UPK1B: variants seen among roughly 807,000 people sequenced by gnomAD.
The protein encoded by UPK1B is uroplakin-1b.
In UPK1B, 28 loss-of-function variants were observed where a neutral mutation model predicts 34.2. The observed-to-expected ratio is 0.82, with a 90% CI of 0.61 to 1.12. The LOEUF is 1.12. Ranked by LOEUF, UPK1B falls within the 50% of genes most tolerant of loss-of-function variation. UPK1B has a pLI of 0.00. For synonymous variants in UPK1B, 81 were observed against 110.4 expected, an observed-to-expected ratio of 0.73 and a Z score of 1.67; for missense variants, 325 against 320.9, an observed-to-expected ratio of 1.01 and a Z score of -0.10.
intron 1 of UPK1B, among the ~76,000 whole-genome samples, chr3:119,177,142 A>G (rs2077960722): frequency 6.6e-6 from 1 of 152,182 alleles, no homozygotes; most frequent in African/African-American, 2.4e-5. Context: ...GTGAGTCTCA[A>G]ATTGTGGCAT....
At chr3:119,182,093 T>C (rs2077992379) in intron 1 of UPK1B, among the ~76,000 whole-genome samples, 1 of 152,234 alleles carries the variant, frequency 6.6e-6, no homozygotes, top group Non-Finnish European at 1.5e-5. Context: ...GCCCCTCCCA[T>C]GTGGATGTGC....
chr3:119,178,709 T>C (rs2077970982), intron 1 of UPK1B, among the ~76,000 whole-genome samples: 1 of 152,236 alleles, frequency 6.6e-6, no homozygotes, highest in Non-Finnish European at 1.5e-5. Context: ...CAAATTTTTA[T>C]AGTAATTTTT....
chr3:119,175,002 C>A (rs1375651825), intron 1 of UPK1B, among the ~76,000 whole-genome samples: 8 of 50,124 alleles, frequency 1.6e-4, no homozygotes, highest in South Asian at 6.6e-4. Flanking sequence ...CTTTTTTTTT[C>A]TTTTATTTTC....
At chr3:119,202,601 T>G (rs530185826) in intron 7 of UPK1B, among the ~76,000 whole-genome samples, 1 of 152,306 alleles carries the variant, frequency 6.6e-6, no homozygotes, top group South Asian at 2.1e-4. Context: ...TTAAGTGACT[T>G]GGCTAAAGTT....
chr3:119,197,711 G>T (rs2078072796), intron 6 of UPK1B, among the ~76,000 whole-genome samples: 1 of 152,160 alleles, frequency 6.6e-6, no homozygotes, highest in Admixed American at 6.5e-5. Flanking sequence ...TTGCATTCTA[G>T]CATGGGAGAC....
intron 1 of UPK1B, among the ~76,000 whole-genome samples, chr3:119,179,361 AT>A (rs1246875613): frequency 2.9e-5 from 1 of 33,976 alleles, no homozygotes; most frequent in African/African-American, 1.2e-4. Context: ...AGATATATAT[AT>A]ATATATATAT....
intron 1 of UPK1B, among the ~76,000 whole-genome samples, chr3:119,177,419 CT>C (rs2077962045): frequency 3.9e-5 from 6 of 152,340 alleles, no homozygotes; most frequent in Middle Eastern, 6.8e-3. Context: ...GGACTTGAAT[CT>C]TAACTCTTTT....
At chr3:119,188,115 G>C in intron 3 of UPK1B, 140 bp downstream of exon 3, 2 of 893,636 alleles carry the variant, frequency 2.2e-6, no homozygotes, top group Non-Finnish European at 3.5e-6. Context: ...GACTTTCCCT[G>C]CAGTGAAATG....
At chr3:119,203,355 A>AAACAAAAAC (rs1559905303) in intron 7 of UPK1B, among the ~76,000 whole-genome samples, 6 of 147,570 alleles carry the variant, frequency 4.1e-5, no homozygotes, top group East Asian at 2.0e-4. Flanking sequence ...AAAAAAAAAA[A>AAACAAAAAC]AAAAAAAAAA....
chr3:119,180,329 A>G (rs1559900306), intron 1 of UPK1B, among the ~76,000 whole-genome samples: 2 of 152,202 alleles, frequency 1.3e-5, no homozygotes, highest in South Asian at 4.1e-4. Flanking sequence ...AATCACATCT[A>G]AAGAATATCT....
At chr3:119,180,574 AGTTTATATTCT>A (rs1476009325) in intron 1 of UPK1B, among the ~76,000 whole-genome samples, 1 of 152,306 alleles carries the variant, frequency 6.6e-6, no homozygotes, top group South Asian at 2.1e-4. Flanking sequence ...AGAACACCAC[AGTTTATATTCT>A]GTGTATAGAG....
At chr3:119,194,465 C>G in intron 6 of UPK1B, 67 bp downstream of exon 6, 1 of 1,417,466 alleles carries the variant, frequency 7.1e-7, no homozygotes, top group Non-Finnish European at 9.5e-7. Context: ...AAATATTGGT[C>G]AACTGTAGGA....
chr3:119,186,420 C>T (rs2078019840), intron 1 of UPK1B, among the ~76,000 whole-genome samples: 1 of 152,198 alleles, frequency 6.6e-6, no homozygotes, highest in Admixed American at 6.5e-5. Context: ...CTCAGGTCTA[C>T]CCCTTGTGCA....
intron 7 of UPK1B, among the ~76,000 whole-genome samples, chr3:119,203,213 T>C (rs2078100433): frequency 1.3e-5 from 2 of 151,414 alleles, no homozygotes; most frequent in East Asian, 1.9e-4. Context: ...TGGTGGCGCG[T>C]GCCTGTAGTC....
At chr3:119,178,741 GA>G (rs964597700) in intron 1 of UPK1B, among the ~76,000 whole-genome samples, 36 of 152,188 alleles carry the variant, frequency 2.4e-4, no homozygotes, top group African/African-American at 8.2e-4. Context: ...GAAATGACTG[GA>G]ATCATTCAAT....
intron 1 of UPK1B, 96 bp downstream of exon 1, chr3:119,173,734 G>T (rs1266985138): frequency 6.6e-6 from 1 of 152,252 alleles, no homozygotes; most frequent in Non-Finnish European, 1.5e-5. Flanking sequence ...AGGGAAAGGG[G>T]AAGAAGTTAG....
rs897967187 is a variant in UPK1B, at chr3:119,174,972, GA to G, written c.-29+1342del. 5.1e-5 allele frequency among the ~76,000 whole-genome samples: 7 copies of G among 136,782 alleles called. 1 individual carries two copies. The highest frequency in any genetic ancestry group is 4.3e-4 in the East Asian group (2 of 4,700). The allele number at this position is 136,782 out of a possible 152,430, so 89.7% of individuals were successfully genotyped here. A position where few individuals can be genotyped will look rare whatever the true frequency, so the allele number is the denominator to read the frequency against. Reference sequence around the variant, plus strand: ...ACCTTAGACATCATTTAATCAAGGGGAAAAAAAAGAAACTCAGAACTTTTTT... The same window carrying G: ...ACCTTAGACATCATTTAATCAAGGGGAAAAAAAGAAACTCAGAACTTTTTT... On this transcript the variant is annotated intron_variant, in intron 1 of 7. Coordinates refer to ENST00000264234, the MANE Select transcript of UPK1B (RefSeq NM_006952.4).
intron 1 of UPK1B, among the ~76,000 whole-genome samples, chr3:119,174,992 C>CT (rs1158089469): frequency 3.0e-5 from 3 of 101,686 alleles, no homozygotes; most frequent in Non-Finnish European, 4.0e-5. Flanking sequence ...AAACTCAGAA[C>CT]TTTTTTTTTC....
At chr3:119,184,133 A>G (rs959828729) in intron 1 of UPK1B, among the ~76,000 whole-genome samples, 2 of 151,976 alleles carry the variant, frequency 1.3e-5, no homozygotes, top group Non-Finnish European at 2.9e-5. Context: ...CTTTTCTCCC[A>G]CTTTTATCTG....
Sources: allele counts gnomAD v4.1 joint callset (sites outside exome capture counted in the v4.1 genomes callset), GRCh38; gene constraint gnomAD v4.1.1; transcripts MANE v1.5; gene names NCBI Gene and HGNC (gene_info 2026-07-23, HGNC 2026-07-21).